The following FAM228B variants were observed in gnomAD, a reference collection of about 807,000 sequenced individuals.
FAM228B encodes protein FAM228B.
FAM228B carries 38 observed loss-of-function variants against 42.6 expected under a neutral mutation model. The ratio of observed to expected loss-of-function variants is 0.89; its 90% CI spans 0.69 to 1.17. FAM228B has a LOEUF of 1.17. Ranked by LOEUF, FAM228B falls within the 50% of genes most tolerant of loss-of-function variation. The probability of loss-of-function intolerance (pLI) is 0.00; values close to 1 mark genes in which losing one functional copy is unlikely to be tolerated. For synonymous variants in FAM228B, 109 were observed against 122.3 expected, an observed-to-expected ratio of 0.89 and a Z score of 0.72; for missense variants, 344 against 367.3, an observed-to-expected ratio of 0.94 and a Z score of 0.52.
intron 9 of FAM228B, chr2:24,165,434 A>G: frequency 2.1e-6 from 1 of 471,144 alleles, no homozygotes; most frequent in South Asian, 1.5e-5. Context: ...GTCTGCTCTG[A>G]GGCTCTGCTG....
At chr2:24,119,382 T>G (rs531081894), upstream of FAM228B, among the ~76,000 whole-genome samples, 15 of 152,324 alleles carry the variant, frequency 9.8e-5, 1 homozygote, top group South Asian at 2.9e-3. Flanking sequence ...CCTAGCAGTG[T>G]TCCAGTCCCT....
At chr2:24,086,488 C>T (rs1001309445) in intron 2 of FAM228B, among the ~76,000 whole-genome samples, 1 of 151,574 alleles carries the variant, frequency 6.6e-6, no homozygotes. Context: ...TCTCTCCCTC[C>T]CTCCCTCCTT....
upstream of FAM228B, chr2:24,119,545 G>T: frequency 6.6e-7 from 1 of 1,514,626 alleles, no homozygotes. Context: ...CTAACATAGG[G>T]AATGAAGACA....
chr2:24,162,893 A>C (rs1368475559), intron 8 of FAM228B, among the ~76,000 whole-genome samples: 1 of 152,196 alleles, frequency 6.6e-6, no homozygotes, highest in Non-Finnish European at 1.5e-5. Flanking sequence ...GACAGAAGGT[A>C]GATAGTAGTT....
In FAM228B at chr2:24,135,182, A is replaced by G; in HGVS notation, c.163A>G (p.Ile55Val). The change falls in exon 3 of 11, where the codon ATT (isoleucine) becomes GTT (valine). Residue 55 changes from isoleucine (I) to valine (V), a missense_variant. Physicochemically the swap from Ile to Val is conservative, Grantham distance 29. Coordinates refer to ENST00000615575, the MANE Select transcript of FAM228B (RefSeq NM_001145710.2). ...QSILYKENSV[I>V]KELDKYLQHH... is the part of the protein sequence containing the mutation. ...AATATTATACAAAGAAAATTCTGTAATTAAGGTAAGAATTGGCTACAAAAT... is the reference window on the plus strand; with the variant it reads ...AATATTATACAAAGAAAATTCTGTAGTTAAGGTAAGAATTGGCTACAAAAT... The G allele has an allele frequency of 6.7e-7, 1 of 1,482,664 alleles. No individual in the cohort carries two copies. Among genetic ancestry groups the G allele is most frequent in the Non-Finnish European group, 9.1e-7 (1 of 1,098,138 alleles). 91.8% of individuals were successfully genotyped at this position (1,482,664 alleles called of 1,614,324 possible).
intron 3 of FAM228B, chr2:24,115,684 T>G: frequency 6.5e-7 from 1 of 1,527,064 alleles, no homozygotes; most frequent in Non-Finnish European, 9.0e-7. Flanking sequence ...TTCATCCATT[T>G]ATTATTCCAC....
chr2:24,111,551 C>T (rs1558374178), intron 3 of FAM228B, among the ~76,000 whole-genome samples: 1 of 152,140 alleles, frequency 6.6e-6, no homozygotes, highest in African/African-American at 2.4e-5. Flanking sequence ...GCCTTGGCAT[C>T]CCTGTCCTCT....
At chr2:24,079,327 T>A in intron 1 of FAM228B, 5 of 1,098,946 alleles carry the variant, frequency 4.5e-6, no homozygotes, top group South Asian at 1.8e-5. Flanking sequence ...GAGGGGGAGG[T>A]TTCTTCATAG....
chr2:24,084,550 G>A lies in FAM228B; in HGVS notation c.-210+3595G>A. ...CCGAGCTCCTGCCTGGGAAGTCCTCGGCCGCCTCCAGACCGATCCCACCCG... is the reference window on the plus strand; with the variant it reads ...CCGAGCTCCTGCCTGGGAAGTCCTCAGCCGCCTCCAGACCGATCCCACCCG... On this transcript the variant is annotated intron_variant, in intron 2 of 10. Transcript: ENST00000613899. This position sits in a 1 kb window ranked among gnomAD's most constrained non-coding sequence, Gnocchi z 8.4. The A allele has an allele frequency of 1.8e-6, 1 of 569,082 alleles. No individual in the cohort carries two copies. Among genetic ancestry groups the A allele is most frequent in the Non-Finnish European group, 2.9e-6 (1 of 342,218 alleles). 35.3% of individuals were successfully genotyped at this position (569,082 alleles called of 1,614,324 possible).
intron 3 of FAM228B, among the ~76,000 whole-genome samples, chr2:24,108,040 A>G (rs184319443): frequency 6.6e-6 from 1 of 152,222 alleles, no homozygotes; most frequent in African/African-American, 2.4e-5. Flanking sequence ...AGACTAATAA[A>G]GAAAAAACGA....
chr2:24,081,593 T>C (rs1368259863), intron 2 of FAM228B, among the ~76,000 whole-genome samples: 2 of 152,230 alleles, frequency 1.3e-5, no homozygotes, highest in African/African-American at 4.8e-5. Context: ...CAGCTTGATA[T>C]TCAAGGACAC....
chr2:24,136,053 CTTTTTTTTT>C (rs5829917), intron 3 of FAM228B, among the ~76,000 whole-genome samples: 1 of 35,812 alleles, frequency 2.8e-5, no homozygotes, highest in East Asian at 9.8e-4. Flanking sequence ...GATAACCCTT[CTTTTTTTTT>C]TTTTTTTTTT....
rs561066663 is a variant in FAM228B, at chr2:24,101,973, C to T, written c.-121+6744C>T. ...CTGGGATTACAGGCGTGAGCTACCG[C>T]GCCCGGTCCCTATTTTTTATTTTTA... On this transcript the variant is annotated intron_variant, in intron 3 of 10. Coordinates refer to the FAM228B transcript ENST00000613899. Among the ~76,000 whole-genome samples, 18 of 152,276 alleles carry T rather than the reference C, an allele frequency of 1.2e-4. No individual in the cohort carries two copies. In the South Asian group the frequency reaches 2.7e-3, roughly 23 times the overall value.
rs2151031134 is a variant in FAM228B, at chr2:24,161,534, T to C, written c.715T>C (p.Cys239Arg). The change falls in exon 8 of 11, where the codon TGT (cysteine) becomes CGT (arginine). Residue 239 changes from cysteine (C) to arginine (R), a missense_variant. Physicochemically the swap from Cys to Arg is radical, Grantham distance 180. Transcript: ENST00000615575. ...AAAGGTGAAAGTGAATTTTAATGAC[T>C]GTAGTTTTGATTTGAAACCTTTGGC... Reference protein sequence around the residue: ...RLKVKVNFNDCSFDLKPLARA... With the variant: ...RLKVKVNFNDRSFDLKPLARA... 4 of 1,545,342 alleles carry C rather than the reference T, an allele frequency of 2.6e-6. No homozygotes were observed. The highest frequency in any genetic ancestry group is 2.6e-6 in the Non-Finnish European group (3 of 1,141,266).
intron 2 of FAM228B, among the ~76,000 whole-genome samples, chr2:24,126,011 T>C (rs917220056): frequency 6.6e-6 from 1 of 152,256 alleles, no homozygotes; most frequent in Non-Finnish European, 1.5e-5. Flanking sequence ...CAATACTTCA[T>C]TCCTTTTTTG....
chr2:24,137,912 C>T lies in FAM228B; in HGVS notation c.172C>T (p.Leu58=), dbSNP rs144231256. 2,473 of 1,515,302 alleles carry T rather than the reference C, an allele frequency of 1.6e-3. 2 individuals are homozygous for T. The highest frequency in any genetic ancestry group is 4.7e-3 in the Middle Eastern group (27 of 5,752). The allele number at this position is 1,515,302 out of a possible 1,614,324, so 93.9% of individuals were successfully genotyped here. The change falls in exon 4 of 11, where the codon CTA becomes TTA. Residue 58 remains leucine, a synonymous_variant. Transcript: ENST00000615575. ...CTTTTCTACCACTGTTTACTAGGAA[C>T]TAGATAAGTATTTACAACATCATGC... ...LYKENSVIKE[L]DKYLQHHAFL... is the part of the protein sequence containing the mutation.
At chr2:24,086,949 A>T (rs918834985) in intron 2 of FAM228B, among the ~76,000 whole-genome samples, 14 of 152,318 alleles carry the variant, frequency 9.2e-5, no homozygotes, top group African/African-American at 3.4e-4. Flanking sequence ...AACTGATTGG[A>T]TTAAGAAAAT....
At chr2:24,151,905 G>C (rs768703324) in intron 7 of FAM228B, among the ~76,000 whole-genome samples, 2 of 152,000 alleles carry the variant, frequency 1.3e-5, no homozygotes, top group African/African-American at 2.4e-5. Flanking sequence ...GTCTCGCTCT[G>C]TCAGCCAGGC....
intron 2 of FAM228B, among the ~76,000 whole-genome samples, chr2:24,089,881 A>C (rs947897303): frequency 6.7e-6 from 1 of 149,928 alleles, no homozygotes; most frequent in Non-Finnish European, 1.5e-5. Flanking sequence ...AGGCTGAGGC[A>C]GGAGAATCAC....
Sources: gnomAD v4.1 joint callset for allele counts (sites outside exome capture counted in the v4.1 genomes callset) on GRCh38, gnomAD v4.1.1 for gene constraint, Gnocchi (gnomAD v3.1) non-coding constraint, MANE v1.5 for transcripts, NCBI Gene and HGNC (gene_info 2026-07-23, HGNC 2026-07-21) for gene names.